POTEJ: variants seen among roughly 807,000 people sequenced by gnomAD.
The protein encoded by POTEJ is POTE ankyrin domain family member J, also known as POTE ankyrin domain family, member J.
A neutral mutation model predicts 69.0 loss-of-function variants in POTEJ; 11 were observed. That is an observed-to-expected ratio of 0.16 (90% CI 0.10 to 0.26). POTEJ has a LOEUF of 0.26. POTEJ is among the 10% of genes least tolerant of loss of function. The pLI, the probability that POTEJ is intolerant of heterozygous loss-of-function variation, is 1.00. For synonymous variants in POTEJ, 117 were observed against 381.1 expected, an observed-to-expected ratio of 0.31 and a Z score of 8.07; for missense variants, 327 against 1,045.5, an observed-to-expected ratio of 0.31 and a Z score of 9.48.
intron 10 of POTEJ, among the ~76,000 whole-genome samples, chr2:130,643,083 G>C (rs1271401321): frequency 3.4e-4 from 51 of 147,856 alleles, no homozygotes; most frequent in African/African-American, 1.2e-3. Context: ...TTGGAGCAGA[G>C]GGGACAGACA....
rs1161503074 is a variant in POTEJ at position 130,613,382 on chromosome 2, G to GTA, written c.410+1441_410+1442insAT. On this transcript the variant is annotated intron_variant, in intron 1 of 14. Coordinates refer to ENST00000409602, the MANE Select transcript of POTEJ (RefSeq NM_001277083.2). ...TATATACATATATATGTGTGTGTGT[G>GTA]TGTATATATATATATATATATATAT... Among the ~76,000 whole-genome samples, 618 of 85,124 alleles carry GTA rather than the reference G, an allele frequency of 7.3e-3. 16 individuals are homozygous for GTA. The highest frequency in any genetic ancestry group is 0.017 in the African/African-American group (440 of 25,258). 55.8% of individuals were successfully genotyped at this position (85,124 alleles called of 152,430 possible).
At chr2:130,637,869 T>G (rs1252636754) in intron 9 of POTEJ, among the ~76,000 whole-genome samples, 1 of 148,978 alleles carries the variant, frequency 6.7e-6, no homozygotes, top group East Asian at 1.9e-4. Context: ...AAGTCAGGTC[T>G]TAACATCCAT....
At chr2:130,643,218 C>T (rs1222865487) in intron 10 of POTEJ, among the ~76,000 whole-genome samples, 2 of 145,216 alleles carry the variant, frequency 1.4e-5, no homozygotes, top group African/African-American at 5.1e-5. Context: ...TGAAGGAAGA[C>T]TTCACATAGC....
chr2:130,651,916 T>C lies in POTEJ; in HGVS notation c.1668-3005T>C, dbSNP rs575415245. Reference sequence around the variant, plus strand: ...TGTTTTCAAACAAAATCATAAGTAATAAAAATTGCTATTTTGAATTATAAA... The same window carrying C: ...TGTTTTCAAACAAAATCATAAGTAACAAAAATTGCTATTTTGAATTATAAA... On this transcript the variant is annotated intron_variant, in intron 13 of 14. Coordinates refer to ENST00000409602, the MANE Select transcript of POTEJ (RefSeq NM_001277083.2). Among the ~76,000 whole-genome samples, 109 of 143,752 alleles carry C rather than the reference T, an allele frequency of 7.6e-4. 1 individual carries two copies. In the East Asian group the frequency reaches 0.02, roughly 26 times the overall value. 94.3% of individuals were successfully genotyped at this position (143,752 alleles called of 152,430 possible). A position where few individuals can be genotyped will look rare whatever the true frequency, so the allele number is the denominator to read the frequency against.
At chr2:130,637,696 A>T (rs1441970170) in intron 9 of POTEJ, among the ~76,000 whole-genome samples, 1 of 152,292 alleles carries the variant, frequency 6.6e-6, no homozygotes, top group South Asian at 2.1e-4. Flanking sequence ...GTATGTTAAA[A>T]ATTAGAGAAT....
chr2:130,634,762 A>G (rs1238837535), intron 9 of POTEJ, among the ~76,000 whole-genome samples: 2 of 128,920 alleles, frequency 1.6e-5, no homozygotes, highest in African/African-American at 6.0e-5. Context: ...GAAAATTACA[A>G]CATTCTCAGT....
At chr2:130,626,663 C>A (rs1478543292) in intron 6 of POTEJ, among the ~76,000 whole-genome samples, 1 of 152,182 alleles carries the variant, frequency 6.6e-6, no homozygotes, top group African/African-American at 2.4e-5. Context: ...AGGTTCTTTA[C>A]CCTGTAAAGA....
rs543636615 is a variant in POTEJ, at chr2:130,637,181, T to C, written c.1299-1438T>C. On this transcript the variant is annotated intron_variant, in intron 9 of 14. Transcript: ENST00000409602. ...TTTTGGCTCTTTATAATAAGCTACA[T>C]TGTTTATATTAATTTTTTTATTTAG... Among the ~76,000 whole-genome samples the C allele has an allele frequency of 9.9e-5, 15 of 151,306 alleles. No individual in the cohort carries two copies. In the East Asian group the frequency reaches 2.3e-3, roughly 23 times the overall value.
intron 6 of POTEJ, among the ~76,000 whole-genome samples, chr2:130,624,582 C>G (rs578224845): frequency 1.9e-3 from 285 of 152,056 alleles, no homozygotes; most frequent in Middle Eastern, 3.4e-3. Flanking sequence ...GCTGTAAATA[C>G]AGATGAAGCT....
chr2:130,629,262 G>A (rs1685821048), intron 6 of POTEJ, among the ~76,000 whole-genome samples: 1 of 149,018 alleles, frequency 6.7e-6, no homozygotes, highest in African/African-American at 2.5e-5. Flanking sequence ...CCTGAACAAA[G>A]ACAGGGCTTG....
intron 3 of POTEJ, among the ~76,000 whole-genome samples, chr2:130,617,493 T>TA (rs1345922085): frequency 2.3e-5 from 1 of 44,388 alleles, no homozygotes; most frequent in African/African-American, 9.5e-5. Context: ...AGGTAATACT[T>TA]ACTATTTTTC....
At chr2:130,636,570 T>C (rs1215620584) in intron 9 of POTEJ, among the ~76,000 whole-genome samples, 1 of 148,082 alleles carries the variant, frequency 6.8e-6, no homozygotes, top group Non-Finnish European at 1.5e-5. Flanking sequence ...CATTTCATTT[T>C]CCTGCTTTAG....
intron 6 of POTEJ, among the ~76,000 whole-genome samples, chr2:130,628,760 A>T (rs1384798937): frequency 6.7e-6 from 1 of 149,482 alleles, no homozygotes; most frequent in African/African-American, 2.5e-5. Flanking sequence ...GGTGGCTCAC[A>T]CCTCTAATCC....
At chr2:130,615,621 A>G (rs374200705) in intron 1 of POTEJ, among the ~76,000 whole-genome samples, 6,302 of 129,806 alleles carry the variant, frequency 0.049, 908 homozygotes, top group African/African-American at 0.15. Context: ...GAGGGTGGGA[A>G]GAGGGAAAGA....
Position 130,632,613 on chromosome 2 carries a change from G to GA in POTEJ, c.1259dup (p.Asn420LysfsTer6), listed in dbSNP as rs1478341043. On this transcript the variant is annotated frameshift_variant, in exon 9 of 15. Coordinates refer to ENST00000409602, the MANE Select transcript of POTEJ (RefSeq NM_001277083.2). LOFTEE classifies it high-confidence loss of function. Reference sequence around the variant, plus strand: ...TCCTCAAAGGAAGAGCAGAACACCTGAAAATCAGCAATTTCCTGACAACGA... The same window carrying GA: ...TCCTCAAAGGAAGAGCAGAACACCTGAAAAATCAGCAATTTCCTGACAACGA... The GA allele has an allele frequency of 7.4e-7, 1 of 1,351,312 alleles. No individual in the cohort carries two copies. The highest frequency in any genetic ancestry group is 1.0e-6 in the Non-Finnish European group (1 of 989,204). 83.7% of individuals were successfully genotyped at this position (1,351,312 alleles called of 1,614,324 possible). A position where few individuals can be genotyped will look rare whatever the true frequency, so the allele number is the denominator to read the frequency against.
At chr2:130,646,634 A>C (rs1259992391) in intron 13 of POTEJ, among the ~76,000 whole-genome samples, 2 of 145,430 alleles carry the variant, frequency 1.4e-5, no homozygotes, top group Non-Finnish European at 3.0e-5. Flanking sequence ...GGTACAGATT[A>C]TTTCACCAGC....
chr2:130,639,320 C>A (rs1255042205), intron 10 of POTEJ, among the ~76,000 whole-genome samples: 1 of 152,308 alleles, frequency 6.6e-6, no homozygotes, highest in East Asian at 1.9e-4. Flanking sequence ...CAGTGAAGCA[C>A]AGGTCATGTT....
chr2:130,613,304 GTATATATACATATATA>G (rs1685296199), intron 1 of POTEJ, among the ~76,000 whole-genome samples: 1 of 87,426 alleles, frequency 1.1e-5, no homozygotes, highest in Non-Finnish European at 2.3e-5. Flanking sequence ...ATATACATAT[GTATATATACATATATA>G]TACATATGTA....
chr2:130,637,090 A>AAAG (rs1553479041), intron 9 of POTEJ, among the ~76,000 whole-genome samples: 1 of 140,674 alleles, frequency 7.1e-6, no homozygotes, highest in Non-Finnish European at 1.6e-5. Context: ...AAAAAAAAAA[A>AAAG]AAAACAAGTT....
Sources: gnomAD v4.1 joint callset for allele counts (sites outside exome capture counted in the v4.1 genomes callset) on GRCh38, gnomAD v4.1.1 for gene constraint, MANE v1.5 for transcripts, NCBI Gene and HGNC (gene_info 2026-07-23, HGNC 2026-07-21) for gene names.